The following ZFPM1 variants were observed in gnomAD, a reference collection of about 807,000 sequenced individuals.
ZFPM1 encodes the protein zinc finger protein ZFPM1.
A neutral mutation model predicts 46.3 loss-of-function variants in ZFPM1; 28 were observed. The ratio of observed to expected loss-of-function variants is 0.60; its 90% CI spans 0.45 to 0.83. The LOEUF is 0.83. Among genes scored for constraint, ZFPM1 ranks in the 40% least tolerant of loss-of-function variants. The pLI is 0.00. For synonymous variants in ZFPM1, 957 were observed against 675.9 expected, an observed-to-expected ratio of 1.42 and a Z score of -6.45; for missense variants, 1,878 against 1,432.4, an observed-to-expected ratio of 1.31 and a Z score of -5.02.
intron 3 of ZFPM1, among the ~76,000 whole-genome samples, chr16:88,505,512 GA>G (rs1247571596): frequency 6.6e-6 from 1 of 152,202 alleles, no homozygotes; most frequent in Non-Finnish European, 1.5e-5. Context: ...GTGCCCTCAG[GA>G]GGTGGTGAGC....
intron 3 of ZFPM1, among the ~76,000 whole-genome samples, chr16:88,496,806 C>T (rs1490108398): frequency 2.0e-5 from 3 of 152,156 alleles, no homozygotes; most frequent in Non-Finnish European, 4.4e-5. Context: ...CTCTCGACTC[C>T]TGGTATACAG....
chr16:88,454,013 C>G (rs886401278), intron 1 of ZFPM1, among the ~76,000 whole-genome samples: 1 of 152,190 alleles, frequency 6.6e-6, no homozygotes, highest in Non-Finnish European at 1.5e-5. Flanking sequence ...AGGGCGGCCC[C>G]GATCTGGGCT....
intron 4 of ZFPM1, among the ~76,000 whole-genome samples, chr16:88,524,798 C>T (rs993197452): frequency 1.3e-5 from 2 of 152,228 alleles, no homozygotes; most frequent in African/African-American, 4.8e-5. Context: ...AGCAGGGGCT[C>T]GGCCGCCCCT....
rs1370304177 is a variant in ZFPM1, at chr16:88,480,936, ACTTGGAAGGGAG to A, written c.41-5000_41-4989del. Among the ~76,000 whole-genome samples the A allele has an allele frequency of 1.3e-5, 2 of 152,162 alleles. No homozygotes were observed. Among genetic ancestry groups the A allele is most frequent in the Non-Finnish European group, 2.9e-5 (2 of 68,024 alleles). ...GGCCACCTTAATCGTCGGTGTGGGG[ACTTGGAAGGGAG>A]CTGGGATCATCCCGCTGCACAGAGC... is the stretch of plus-strand genomic sequence containing the variant. On this transcript the variant is annotated intron_variant, in intron 1 of 9. Coordinates refer to ENST00000319555, the MANE Select transcript of ZFPM1 (RefSeq NM_153813.3). The surrounding 1 kb of genome is among the most constrained non-coding windows in gnomAD (Gnocchi z 4.9).
intron 3 of ZFPM1, among the ~76,000 whole-genome samples, chr16:88,507,191 G>C (rs1910709657): frequency 6.6e-6 from 1 of 152,188 alleles, no homozygotes; most frequent in Non-Finnish European, 1.5e-5. Flanking sequence ...CATGCCACTT[G>C]CTGGCTGTGT....
At chr16:88,487,376 C>T (rs1052781009) in intron 2 of ZFPM1, among the ~76,000 whole-genome samples, 7 of 152,226 alleles carry the variant, frequency 4.6e-5, no homozygotes, top group East Asian at 1.9e-4. Flanking sequence ...CCCACTCCAA[C>T]GTGGAGGGGA....
chr16:88,462,148 G>A (rs1360258792), intron 1 of ZFPM1, among the ~76,000 whole-genome samples: 1 of 152,306 alleles, frequency 6.6e-6, no homozygotes, highest in East Asian at 1.9e-4. Flanking sequence ...CCTCCCCTCA[G>A]CCTCCTGTGC....
intron 2 of ZFPM1, among the ~76,000 whole-genome samples, chr16:88,486,877 T>A (rs1567534554): frequency 1.3e-5 from 2 of 151,984 alleles, no homozygotes; most frequent in African/African-American, 2.4e-5. Context: ...CACAGTGGTG[T>A]CTCCTGCTAA....
chr16:88,516,613 T>C (rs1399289413), intron 4 of ZFPM1: 9 of 398,556 alleles, frequency 2.3e-5, no homozygotes, highest in East Asian at 1.1e-4. Flanking sequence ...TACAAGATGA[T>C]TGATTTCTTC....
In ZFPM1 at chr16:88,528,161, C is replaced by T. The variant is rs1225062394; in HGVS notation, c.635C>T (p.Pro212Leu). The part of the protein sequence containing the change: ...VKKEPAEPTC[P>L]APAHDLQLLP... ...AAGGAGCCAGCAGAGCCCACGTGCC[C>T]GGCCCCTGCACACGACCTCCAGCTC... The change falls in exon 6 of 10, where the codon CCG becomes CTG. Residue 212 changes from proline (P) to leucine (L), a missense_variant. Physicochemically the swap from Pro to Leu is moderately conservative, Grantham distance 98. Transcript: ENST00000319555. 3.1e-6 allele frequency: 5 copies of T among 1,608,966 alleles called. No homozygotes were observed. Among genetic ancestry groups the T allele is most frequent in the African/African-American group, 2.7e-5 (2 of 74,844 alleles).
At chr16:88,514,763 T>G (rs185878723) in intron 4 of ZFPM1, among the ~76,000 whole-genome samples, 4 of 152,256 alleles carry the variant, frequency 2.6e-5, no homozygotes, top group African/African-American at 4.8e-5. Flanking sequence ...GAGGGGTTCT[T>G]TAAGCAGGAC....
chr16:88,480,144 C>A lies in ZFPM1; in HGVS notation c.41-5795C>A, dbSNP rs1908867848. On this transcript the variant is annotated intron_variant, in intron 1 of 9. Coordinates refer to ENST00000319555, the MANE Select transcript of ZFPM1 (RefSeq NM_153813.3). The surrounding 1 kb of genome is among the most constrained non-coding windows in gnomAD (Gnocchi z 4.9). Reference sequence around the variant, plus strand: ...TGTTCCTTTCTCCTGGAGCGCTTTTCCCTGGACCCGGTGCTGGCAGCCTCC... The same window carrying A: ...TGTTCCTTTCTCCTGGAGCGCTTTTACCTGGACCCGGTGCTGGCAGCCTCC... 6.6e-6 allele frequency among the ~76,000 whole-genome samples: 1 copy of A among 152,038 alleles called. No homozygotes were observed. Among genetic ancestry groups the A allele is most frequent in the South Asian group, 2.1e-4 (1 of 4,822 alleles).
At chr16:88,472,771 C>G (rs1035512700) in intron 1 of ZFPM1, among the ~76,000 whole-genome samples, 3 of 152,266 alleles carry the variant, frequency 2.0e-5, no homozygotes, top group African/African-American at 7.2e-5. Context: ...CAGTGGGTCC[C>G]CATAACTCCA....
At chr16:88,490,944 C>G (rs1251567415) in intron 3 of ZFPM1, among the ~76,000 whole-genome samples, 1 of 152,096 alleles carries the variant, frequency 6.6e-6, no homozygotes, top group African/African-American at 2.4e-5. Flanking sequence ...TGCGTCCCTT[C>G]TCCTCAGGGA....
chr16:88,478,191 G>A (rs938412950), intron 1 of ZFPM1, among the ~76,000 whole-genome samples: 1 of 152,210 alleles, frequency 6.6e-6, no homozygotes, highest in Non-Finnish European at 1.5e-5. Flanking sequence ...GTGGGCTCAG[G>A]CCACGTCCCC....
rs1555522078 is a variant in ZFPM1 at position 88,461,053 on chromosome 16, CCCTGGTGAGGACCCAGGGGCAGAAGGT to C, written c.40+7377_40+7403del. ...CTGGTGAGGACCGAGGGGCGGGAGG[CCCTGGTGAGGACCCAGGGGCAGAAGGT>C]CTGGTGAGGACCAAGGGGCAGGAGG... On this transcript the variant is annotated intron_variant, in intron 1 of 9. Transcript: ENST00000319555. 1.6e-3 allele frequency among the ~76,000 whole-genome samples: 94 copies of C among 57,000 alleles called. 2 individuals carry two copies. The highest frequency in any genetic ancestry group is 8.2e-3 in the African/African-American group (81 of 9,906). 37.4% of individuals were successfully genotyped at this position (57,000 alleles called of 152,430 possible).
chr16:88,525,179 C>A (rs765616922), intron 4 of ZFPM1, among the ~76,000 whole-genome samples: 3 of 152,344 alleles, frequency 2.0e-5, no homozygotes, highest in African/African-American at 4.8e-5. Context: ...CTGGTCGTGC[C>A]CTGCCCAAGG....
At chr16:88,505,695 C>T (rs1250894801) in intron 3 of ZFPM1, among the ~76,000 whole-genome samples, 2 of 152,176 alleles carry the variant, frequency 1.3e-5, no homozygotes, top group African/African-American at 2.4e-5. Context: ...CTCCCGGGAA[C>T]GCAGCCCATG....
chr16:88,515,332 G>A (rs1016001868), intron 4 of ZFPM1, among the ~76,000 whole-genome samples: 1 of 152,316 alleles, frequency 6.6e-6, no homozygotes, highest in Middle Eastern at 3.4e-3. Context: ...AGGACAGAGG[G>A]CGTCCCCCTT....
Sources: gnomAD v4.1 joint callset for allele counts (sites outside exome capture counted in the v4.1 genomes callset) on GRCh38, gnomAD v4.1.1 for gene constraint, Gnocchi (gnomAD v3.1) non-coding constraint, MANE v1.5 for transcripts, NCBI Gene and HGNC (gene_info 2026-07-23, HGNC 2026-07-21) for gene names.